The following RNASE4 variants were observed in gnomAD, a reference collection of about 807,000 sequenced individuals.
RNASE4 encodes ribonuclease 4.
For missense variants in RNASE4, 194 were observed against 192.8 expected, an observed-to-expected ratio of 1.01 and a Z score of -0.04; for synonymous variants, 93 against 71.4, an observed-to-expected ratio of 1.30 and a Z score of -1.52.
intron 1 of RNASE4, among the ~76,000 whole-genome samples, chr14:20,691,437 T>C (rs1886739821): frequency 6.6e-6 from 1 of 152,204 alleles, no homozygotes. Flanking sequence ...CCCAGGAGAC[T>C]GAAAAGCATG....
At chr14:20,691,800 C>T (rs897333640) in intron 1 of RNASE4, among the ~76,000 whole-genome samples, 1 of 152,220 alleles carries the variant, frequency 6.6e-6, no homozygotes, top group Non-Finnish European at 1.5e-5. Flanking sequence ...GGAATCAACA[C>T]CAAATGCAAA....
rs1277937171 is a variant in RNASE4 at position 20,688,871 on chromosome 14, C to CT, written c.-18+4114dup. On this transcript the variant is annotated intron_variant, in intron 1 of 1. Transcript: ENST00000555835. ...CCAGATTTTTGTAAGATTCTTCCTCCTGGGTAAACTATTGTTCAATTTGTT... is the reference window on the plus strand; with the variant it reads ...CCAGATTTTTGTAAGATTCTTCCTCCTTGGGTAAACTATTGTTCAATTTGTT... The CT allele has an allele frequency of 3.0e-6, 3 of 984,504 alleles. No homozygotes were observed. The Admixed American group carries it at 1.8e-4, about 61-fold the overall frequency. The allele number at this position is 984,504 out of a possible 1,614,324, so 61.0% of individuals were successfully genotyped here.
chr14:20,685,435 A>T (rs1010414160), intron 1 of RNASE4, among the ~76,000 whole-genome samples: 6 of 152,180 alleles, frequency 3.9e-5, no homozygotes, highest in South Asian at 2.1e-4. Flanking sequence ...TGACAGTAAA[A>T]ATCTTATAAT....
chr14:20,692,015 G>C (rs945959725), intron 1 of RNASE4, among the ~76,000 whole-genome samples: 1 of 152,120 alleles, frequency 6.6e-6, no homozygotes, highest in Non-Finnish European at 1.5e-5. Context: ...GTACAACATT[G>C]GTGCTTCCTG....
At chr14:20,696,749 G>A (rs1404780572) in intron 1 of RNASE4, among the ~76,000 whole-genome samples, 7 of 151,892 alleles carry the variant, frequency 4.6e-5, no homozygotes, top group South Asian at 2.1e-4. Context: ...AAAAAATGCA[G>A]TAATTGCCAA....
At chr14:20,688,860 G>A (rs1048726904) in intron 1 of RNASE4, 2 of 985,286 alleles carry the variant, frequency 2.0e-6, no homozygotes, top group Admixed American at 1.2e-4. Flanking sequence ...ATTTTTGTAA[G>A]ATTCTTCCTC....
At chr14:20,691,968 A>G (rs1435408722) in intron 1 of RNASE4, among the ~76,000 whole-genome samples, 1 of 152,228 alleles carries the variant, frequency 6.6e-6, no homozygotes, top group African/African-American at 2.4e-5. Flanking sequence ...TTTTAAGCTC[A>G]GACTCCCTTC....
chr14:20,693,023 A>AT (rs1326456575), intron 1 of RNASE4, among the ~76,000 whole-genome samples: 10 of 151,180 alleles, frequency 6.6e-5, no homozygotes, highest in African/African-American at 2.2e-4. Flanking sequence ...AATTTTTTGT[A>AT]TTTTTAGTAG....
In RNASE4 at chr14:20,699,942, A is replaced by T; in HGVS notation, c.*127A>T. On this transcript the variant is annotated 3_prime_UTR_variant, in exon 2 of 2. Coordinates refer to ENST00000555835, the MANE Select transcript of RNASE4 (RefSeq NM_002937.5). ...CTCATTTCCTACTCTTTTTCTCTAT[A>T]TAACTCATTCTATTAAATACATTGC... 1.3e-6 allele frequency: 1 copy of T among 772,454 alleles called. No individual in the cohort carries two copies. 47.8% of individuals were successfully genotyped at this position (772,454 alleles called of 1,614,324 possible).
At chr14:20,696,948 C>T (rs1594213131) in intron 1 of RNASE4, among the ~76,000 whole-genome samples, 1 of 152,262 alleles carries the variant, frequency 6.6e-6, no homozygotes, top group East Asian at 1.9e-4. Flanking sequence ...AAAAGAAGTT[C>T]TTACTGTGAG....
At chr14:20,694,992 T>C (rs867868939) in intron 1 of RNASE4, among the ~76,000 whole-genome samples, 3 of 152,246 alleles carry the variant, frequency 2.0e-5, no homozygotes, top group Non-Finnish European at 4.4e-5. Flanking sequence ...TCCCAGGATA[T>C]TCTCTTGTCA....
At chr14:20,693,739 C>T in intron 1 of RNASE4, 2 of 1,614,232 alleles carry the variant, frequency 1.2e-6, no homozygotes, top group South Asian at 2.2e-5. Context: ...GAGACGGGGC[C>T]TGACCTCACC....
chr14:20,699,705 A>G lies in RNASE4; in HGVS notation c.334A>G (p.Thr112Ala). ...GVVKVTDCRDTGSSRAPNCRY... is the reference protein window; with the variant it reads ...GVVKVTDCRDAGSSRAPNCRY... ...AGTGAAGGTCACAGATTGCAGGGACACAGGAAGTTCCAGGGCACCCAACTG... is the reference window on the plus strand; with the variant it reads ...AGTGAAGGTCACAGATTGCAGGGACGCAGGAAGTTCCAGGGCACCCAACTG... Residue 112 changes from threonine to alanine, a missense_variant, in exon 2 of 2, where the codon ACA becomes GCA. Physicochemically the swap from Thr to Ala is moderately conservative, Grantham distance 58. Coordinates refer to ENST00000555835, the MANE Select transcript of RNASE4 (RefSeq NM_002937.5). The G allele has an allele frequency of 2.5e-6, 4 of 1,610,050 alleles. No individual in the cohort carries two copies. The highest frequency in any genetic ancestry group is 3.4e-6 in the Non-Finnish European group (4 of 1,180,012).
chr14:20,694,141 T>A (rs1419187177), intron 1 of RNASE4: 1 of 941,900 alleles, frequency 1.1e-6, no homozygotes, highest in Non-Finnish European at 1.7e-6. Context: ...TGTTTTCTGT[T>A]TGACAACATG....
chr14:20,696,982 C>A (rs1306458182), intron 1 of RNASE4, among the ~76,000 whole-genome samples: 1 of 152,102 alleles, frequency 6.6e-6, no homozygotes, highest in Non-Finnish European at 1.5e-5. Flanking sequence ...GTGGAGAAAG[C>A]GTTTGGGGAA....
intron 1 of RNASE4, chr14:20,688,800 T>C (rs1394561381): frequency 4.1e-6 from 4 of 985,366 alleles, no homozygotes; most frequent in Non-Finnish European, 3.6e-6. Context: ...GGAACCCATC[T>C]CCAGGAACAA....
intron 1 of RNASE4, among the ~76,000 whole-genome samples, chr14:20,690,938 G>A (rs1886710315): frequency 6.6e-6 from 1 of 152,212 alleles, no homozygotes; most frequent in Non-Finnish European, 1.5e-5. Flanking sequence ...TGGCACCCGT[G>A]AAACCTGACA....
chr14:20,685,852 C>A (rs889135655), intron 1 of RNASE4, among the ~76,000 whole-genome samples: 6 of 151,854 alleles, frequency 4.0e-5, no homozygotes, highest in African/African-American at 1.2e-4. Flanking sequence ...CCAGCCTGGC[C>A]AAGATGGTGA....
chr14:20,686,958 G>C (rs550844665), intron 1 of RNASE4, among the ~76,000 whole-genome samples: 1 of 152,156 alleles, frequency 6.6e-6, no homozygotes, highest in African/African-American at 2.4e-5. Context: ...CGTGCATCCC[G>C]TGTCTGTGTG....
Sources: gnomAD v4.1 joint callset for allele counts (sites outside exome capture counted in the v4.1 genomes callset) on GRCh38, gnomAD v4.1.1 for gene constraint, MANE v1.5 for transcripts, NCBI Gene and HGNC (gene_info 2026-07-23, HGNC 2026-07-21) for gene names.